Variants in TMPRSS11D observed in about 807,000 individuals in gnomAD.
TMPRSS11D encodes the protein transmembrane serine protease 11D.
TMPRSS11D carries 32 observed loss-of-function variants against 44.4 expected under a neutral mutation model. That is an observed-to-expected ratio of 0.72 (90% CI 0.54 to 0.97). The LOEUF (loss-of-function observed/expected upper bound fraction) is 0.97, where lower values mean the gene tolerates loss of function less well. TMPRSS11D is among the 50% of genes least tolerant of loss of function. TMPRSS11D has a pLI of 0.00. For missense variants in TMPRSS11D, 446 were observed against 502.6 expected (o/e 0.89, Z 1.08); for synonymous variants, 179 against 177.9 (o/e 1.01, Z -0.05).
In TMPRSS11D at chr4:67,822,339, A is replaced by T; in HGVS notation, c.1255T>A (p.Ter419LysextTer34). 1 of 1,613,760 alleles carries T rather than the reference A, an allele frequency of 6.2e-7. No individual in the cohort carries two copies. The highest frequency in any genetic ancestry group is 8.5e-7 in the Non-Finnish European group (1 of 1,179,736). ...GCAACAGGGATGCACTTGTTGCACT[A>T]GATCCCAGTTTGTTGCCTAATCCAG... ...LDWIRQQTGI[*>K] The change falls in exon 10 of 10, where the codon TAG becomes AAG. Residue 419 changes from the stop codon to lysine (K), a stop_lost. Transcript: ENST00000283916.
chr4:67,865,518 A>G (rs1280150773), intron 1 of TMPRSS11D, among the ~76,000 whole-genome samples: 1 of 151,854 alleles, frequency 6.6e-6, no homozygotes, highest in African/African-American at 2.4e-5. Flanking sequence ...AAAAAATTAC[A>G]AAGGATCAAT....
At chr4:67,857,194 G>A (rs7671143) in intron 2 of TMPRSS11D, among the ~76,000 whole-genome samples, 15,930 of 150,622 alleles carry the variant, frequency 0.11, 1,081 homozygotes, top group Non-Finnish European at 0.16. Flanking sequence ...GGTGTTTATC[G>A]CAGCACTGTT....
intron 7 of TMPRSS11D, among the ~76,000 whole-genome samples, chr4:67,831,476 G>C (rs754087551): frequency 6.6e-6 from 1 of 152,014 alleles, no homozygotes; most frequent in African/African-American, 2.4e-5. Context: ...TTTGGTAATC[G>C]TTGTCGATAT....
intron 5 of TMPRSS11D, among the ~76,000 whole-genome samples, chr4:67,835,898 G>A (rs553544740): frequency 1.1e-4 from 16 of 152,150 alleles, no homozygotes; most frequent in East Asian, 3.9e-4. Context: ...GGGTGAGCCT[G>A]GAAAGGAAAA....
intron 1 of TMPRSS11D, among the ~76,000 whole-genome samples, chr4:67,875,840 T>A (rs943672884): frequency 6.6e-6 from 1 of 152,192 alleles, no homozygotes; most frequent in East Asian, 1.9e-4. Flanking sequence ...ATCAAATAAA[T>A]GAAAGCAAGC....
intron 1 of TMPRSS11D, among the ~76,000 whole-genome samples, chr4:67,863,328 C>CAAAA (rs561420216): frequency 1.1e-5 from 1 of 89,194 alleles, no homozygotes; most frequent in Admixed American, 1.3e-4. Flanking sequence ...TGGTCTTGCT[C>CAAAA]AAAAAAAAAA....
chr4:67,866,301 C>T (rs566679077), intron 1 of TMPRSS11D, among the ~76,000 whole-genome samples: 3 of 151,906 alleles, frequency 2.0e-5, no homozygotes, highest in African/African-American at 7.2e-5. Flanking sequence ...TAGCATCCTT[C>T]CATGATAAAA....
At chr4:67,832,809 A>G (rs1484348865) in intron 7 of TMPRSS11D, among the ~76,000 whole-genome samples, 2 of 151,838 alleles carry the variant, frequency 1.3e-5, no homozygotes, top group Non-Finnish European at 2.9e-5. Context: ...TCGTTTCGCT[A>G]ACATTTAACG....
At chr4:67,863,476 CTTAT>C (rs979993903) in intron 1 of TMPRSS11D, among the ~76,000 whole-genome samples, 5 of 151,900 alleles carry the variant, frequency 3.3e-5, no homozygotes, top group African/African-American at 1.2e-4. Context: ...ATGATCATTT[CTTAT>C]TTATTTAAAA....
Position 67,859,582 on chromosome 4 carries a change from A to G in TMPRSS11D, c.105T>C (p.Ala35=). ...CAAAAGCTAAAAAGTAAACAAGTAG[A>G]GCTATGGTGACTGCCAGGATCACTA... The part of the protein sequence containing the change: ...AGVVILAVTI[A]LLVYFLAFDQ... Residue 35 remains alanine, a synonymous_variant, in exon 2 of 10, where the codon GCT becomes GCC. Coordinates refer to ENST00000283916, the MANE Select transcript of TMPRSS11D (RefSeq NM_004262.3). The G allele has an allele frequency of 2.5e-6, 4 of 1,613,190 alleles. No homozygotes were observed. Among genetic ancestry groups the G allele is most frequent in the Non-Finnish European group, 3.4e-6 (4 of 1,179,354 alleles).
chr4:67,849,888 A>G (rs1577817147), intron 3 of TMPRSS11D, among the ~76,000 whole-genome samples: 1 of 152,282 alleles, frequency 6.6e-6, no homozygotes, highest in Non-Finnish European at 1.5e-5. Context: ...ATGGCCTTTG[A>G]TGCGTTTCTT....
intron 1 of TMPRSS11D, among the ~76,000 whole-genome samples, chr4:67,872,225 A>C (rs1419812681): frequency 6.6e-6 from 1 of 152,180 alleles, no homozygotes; most frequent in Non-Finnish European, 1.5e-5. Flanking sequence ...AAATGGCCAA[A>C]ATAAAATTTT....
At chr4:67,841,449 G>A (rs886494706) in intron 4 of TMPRSS11D, among the ~76,000 whole-genome samples, 41 of 152,210 alleles carry the variant, frequency 2.7e-4, no homozygotes, top group African/African-American at 9.9e-4. Context: ...ACCAAATACT[G>A]TTGAAAGGTC....
At chr4:67,831,841 TAA>T (rs886868985) in intron 7 of TMPRSS11D, among the ~76,000 whole-genome samples, 3 of 152,160 alleles carry the variant, frequency 2.0e-5, no homozygotes, top group African/African-American at 7.2e-5. Context: ...ATAAAAATAT[TAA>T]GTCATAAAAT....
At position 67,849,411 on chromosome 4, in the gene TMPRSS11D, T is replaced by C. The variant is rs770480907; in HGVS notation, c.249+4657A>G. ...GGTTGAAGTAATGGGCATGTATGTA[T>C]GGGATCATCTAGACAGAATGATAGT... On this transcript the variant is annotated intron_variant, in intron 3 of 9. Transcript: ENST00000283916. 2.0e-5 allele frequency among the ~76,000 whole-genome samples: 3 copies of C among 152,158 alleles called. No homozygotes were observed. In the South Asian group the frequency reaches 6.2e-4, roughly 32 times the overall value.
intron 7 of TMPRSS11D, among the ~76,000 whole-genome samples, chr4:67,828,102 G>GA (rs1271303261): frequency 1.3e-4 from 20 of 151,636 alleles, no homozygotes; most frequent in Non-Finnish European, 2.4e-4. Flanking sequence ...AAAGTTCATT[G>GA]AAAATGTATA....
At chr4:67,835,534 TACC>T (rs1718059551) in intron 5 of TMPRSS11D, among the ~76,000 whole-genome samples, 1 of 152,164 alleles carries the variant, frequency 6.6e-6, no homozygotes, top group Non-Finnish European at 1.5e-5. Flanking sequence ...ACTCTAATGA[TACC>T]ACTCTATAAT....
intron 1 of TMPRSS11D, 151 bp from the exon 2 acceptor site, chr4:67,859,829 T>A: frequency 9.3e-7 from 1 of 1,070,516 alleles, no homozygotes; most frequent in Non-Finnish European, 1.3e-6. Flanking sequence ...AAACTGAACT[T>A]AACAAGGCTG....
chr4:67,850,147 A>G (rs543948403), intron 3 of TMPRSS11D, among the ~76,000 whole-genome samples: 1 of 152,296 alleles, frequency 6.6e-6, no homozygotes, highest in East Asian at 1.9e-4. Context: ...ACAGAAAGAG[A>G]TTAGAGTACA....
Sources: allele counts gnomAD v4.1 joint callset (sites outside exome capture counted in the v4.1 genomes callset), GRCh38; gene constraint gnomAD v4.1.1; transcripts MANE v1.5; gene names NCBI Gene and HGNC (gene_info 2026-07-23, HGNC 2026-07-21).